LHX4: variants seen among roughly 807,000 people sequenced by gnomAD.
The protein encoded by LHX4 is LIM/homeobox protein Lhx4.
LHX4 carries 16 observed loss-of-function variants against 39.2 expected under a neutral mutation model. The observed-to-expected ratio is 0.41, with a 90% CI of 0.28 to 0.62. The LOEUF (loss-of-function observed/expected upper bound fraction) is 0.62, where lower values mean the gene tolerates loss of function less well. Among genes scored for constraint, LHX4 ranks in the 20% least tolerant of loss-of-function variants. LHX4 has a pLI of 0.33. For synonymous variants in LHX4, 206 were observed against 198.1 expected (o/e 1.04, Z -0.33); for missense variants, 439 against 511.9 (o/e 0.86, Z 1.37).
upstream of LHX4, among the ~76,000 whole-genome samples, chr1:180,229,959 C>CGGAGGCGGGGGGGGG (rs1238306398): frequency 1.3e-4 from 3 of 22,724 alleles, no homozygotes; most frequent in Admixed American, 3.4e-4. Flanking sequence ...GAGGCGGAGG[C>CGGAGGCGGGGGGGGG]GGGGAGGGGG....
chr1:180,256,971 G>C (rs1460142711), intron 2 of LHX4, among the ~76,000 whole-genome samples: 1 of 152,262 alleles, frequency 6.6e-6, no homozygotes, highest in Non-Finnish European at 1.5e-5. Flanking sequence ...TGGTTTGAAT[G>C]AGATGCCTCG....
chr1:180,263,591 C>T lies in LHX4; in HGVS notation c.249-2801C>T, dbSNP rs542391769. Among the ~76,000 whole-genome samples the T allele has an allele frequency of 2.6e-5, 4 of 152,350 alleles. No individual in the cohort carries two copies. In the South Asian group the frequency reaches 8.3e-4, roughly 32 times the overall value. The stretch of plus-strand genomic sequence containing the variant: ...TTCCACTTCCCTTCAGTATAAATCC[C>T]ACAATCAGGAAAATTGCTTCAATTG... On this transcript the variant is annotated intron_variant, in intron 2 of 5. Transcript: ENST00000263726.
chr1:180,271,221 G>A, intron 3 of LHX4, 159 bp from the exon 4 acceptor site: 1 of 780,814 alleles, frequency 1.3e-6, no homozygotes, highest in Non-Finnish European at 2.3e-6. Flanking sequence ...TCAGTGCCAT[G>A]AGAGTGGGGA....
chr1:180,248,574 C>A (rs1571265039), intron 2 of LHX4, 118 bp downstream of exon 2: 2 of 1,084,848 alleles, frequency 1.8e-6, no homozygotes, highest in East Asian at 2.5e-5. Context: ...CTGGGAGGGG[C>A]AGGTAAATCC....
At position 180,266,743 on chromosome 1, in the gene LHX4, C is replaced by T. The variant is rs138201867; in HGVS notation, c.451+149C>T. The T allele has an allele frequency of 3.9e-5, 30 of 773,508 alleles. No individual in the cohort carries two copies. The East Asian group carries it at 5.4e-4, about 14-fold the overall frequency. The allele number at this position is 773,508 out of a possible 1,614,324, so 47.9% of individuals were successfully genotyped here. ...CACCTCTGAGAAGCGTCCCAGATCT[C>T]CACACTGAGAGTAAATGCTGAACAC... On this transcript the variant is annotated intron_variant, in intron 3 of 5. Coordinates refer to ENST00000263726, the MANE Select transcript of LHX4 (RefSeq NM_033343.4). This position sits in a 1 kb window ranked among gnomAD's most constrained non-coding sequence, Gnocchi z 5.7.
chr1:180,274,499 A>G lies in LHX4; in HGVS notation c.1093A>G (p.Thr365Ala). The change falls in exon 6 of 6, where the codon ACA (threonine) becomes GCA (alanine). Residue 365 changes from threonine to alanine, a missense_variant. By Grantham distance (58) the Thr-to-Ala change is moderately conservative. Transcript: ENST00000263726. ...MAGGPTSDIS[T>A]GSSVGYPDFP... is the part of the protein sequence containing the mutation. ...TGGGGGACCCACCTCTGACATCTCC[A>G]CAGGAAGCAGTGTAGGCTATCCCGA... The G allele has an allele frequency of 6.2e-7, 1 of 1,613,562 alleles. No homozygotes were observed.
chr1:180,256,574 A>T (rs892791163), intron 2 of LHX4, among the ~76,000 whole-genome samples: 12 of 151,938 alleles, frequency 7.9e-5, no homozygotes, highest in Non-Finnish European at 1.6e-4. Flanking sequence ...GGACTTTGGG[A>T]CTCTGACAAT....
At position 180,277,739 on chromosome 1, in the gene LHX4, A is replaced by AGTT. The variant is rs1649120223; in HGVS notation, c.*3161_*3163dup. 1.3e-5 allele frequency: 2 copies of AGTT among 152,318 alleles called. No homozygotes were observed. The highest frequency in any genetic ancestry group is 6.5e-5 in the Admixed American group (1 of 15,302). The allele number at this position is 152,318 out of a possible 1,614,324, so 9.4% of individuals were successfully genotyped here. ...CTTTCTCTTTCTTGTCTCATCTGACAGTTATGAATATAACGTAAAATAAAG... is the reference window on the plus strand; with the variant it reads ...CTTTCTCTTTCTTGTCTCATCTGACAGTTGTTATGAATATAACGTAAAATAAAG... On this transcript the variant is annotated 3_prime_UTR_variant, in exon 6 of 6. Coordinates refer to ENST00000263726, the MANE Select transcript of LHX4 (RefSeq NM_033343.4).
intron 2 of LHX4, among the ~76,000 whole-genome samples, chr1:180,255,606 G>C (rs1647821571): frequency 6.6e-6 from 1 of 152,234 alleles, no homozygotes; most frequent in Non-Finnish European, 1.5e-5. Flanking sequence ...AAACACACTG[G>C]TGGGACCAGG....
rs1434387536 is a variant in LHX4, at chr1:180,230,954, ATCT to A, written c.76+354_76+356del. 2.6e-5 allele frequency among the ~76,000 whole-genome samples: 4 copies of A among 152,162 alleles called. No individual in the cohort carries two copies. The highest frequency in any genetic ancestry group is 2.9e-5 in the Non-Finnish European group (2 of 67,966). On this transcript the variant is annotated intron_variant, in intron 1 of 5. Coordinates refer to ENST00000263726, the MANE Select transcript of LHX4 (RefSeq NM_033343.4). This position sits in a 1 kb window ranked among gnomAD's most constrained non-coding sequence, Gnocchi z 5.8. ...CTGAGGGCGAGGGTGGTCCCCACAA[ATCT>A]TCTTTCGCCGGCGTGACGGTCAGCG...
chr1:180,242,952 G>C (rs1664474331), intron 1 of LHX4, among the ~76,000 whole-genome samples: 1 of 152,048 alleles, frequency 6.6e-6, no homozygotes, highest in Non-Finnish European at 1.5e-5. Context: ...AGCTTATTGG[G>C]GATTTGGAAA....
At chr1:180,271,179 T>G (rs1648631912) in intron 3 of LHX4, 1 of 648,432 alleles carries the variant, frequency 1.5e-6, no homozygotes, top group Non-Finnish European at 2.8e-6. Flanking sequence ...TCCTCACTTT[T>G]CAGTGGCTTG....
chr1:180,253,219 A>G (rs1239958541), intron 2 of LHX4, among the ~76,000 whole-genome samples: 1 of 152,236 alleles, frequency 6.6e-6, no homozygotes, highest in Non-Finnish European at 1.5e-5. Flanking sequence ...CCATGTGTCC[A>G]GCATGTCATG....
rs1664252445 is a variant in LHX4, at chr1:180,234,185, A to G, written c.76+3580A>G. Among the ~76,000 whole-genome samples, 1 of 41,714 alleles carries G rather than the reference A, an allele frequency of 2.4e-5. No individual in the cohort carries two copies. Among genetic ancestry groups the G allele is most frequent in the Non-Finnish European group, 4.9e-5 (1 of 20,436 alleles). The allele number at this position is 41,714 out of a possible 152,430, so 27.4% of individuals were successfully genotyped here. A position where few individuals can be genotyped will look rare whatever the true frequency, so the allele number is the denominator to read the frequency against. ...ACACACAAATTATATATATATATAT[A>G]TATATATATATATATATATATATAT... On this transcript the variant is annotated intron_variant, in intron 1 of 5. Transcript: ENST00000263726. This position sits in a 1 kb window ranked among gnomAD's most constrained non-coding sequence, Gnocchi z 4.8.
chr1:180,241,090 C>A (rs927804091), intron 1 of LHX4, among the ~76,000 whole-genome samples: 3 of 152,226 alleles, frequency 2.0e-5, no homozygotes, highest in African/African-American at 4.8e-5. Context: ...CACCTGGATA[C>A]ATTACAGCAA....
intron 1 of LHX4, 94 bp from the exon 2 acceptor site, chr1:180,248,191 C>T: frequency 8.4e-7 from 1 of 1,192,836 alleles, no homozygotes. Flanking sequence ...CTGTTTCCAC[C>T]ATCAGCAGAG....
chr1:180,230,469 G>C lies in LHX4; in HGVS notation c.-61G>C. ...ATTATTATTTTGAAATTTCTGAATC[G>C]AGCTAGAGCGAGAGAGCGAGAGATC... On this transcript the variant is annotated 5_prime_UTR_variant, in exon 1 of 6. Coordinates refer to ENST00000263726, the MANE Select transcript of LHX4 (RefSeq NM_033343.4). This position sits in a 1 kb window ranked among gnomAD's most constrained non-coding sequence, Gnocchi z 5.8. The C allele has an allele frequency of 2.9e-6, 4 of 1,391,048 alleles. No individual in the cohort carries two copies. The highest frequency in any genetic ancestry group is 4.1e-6 in the Non-Finnish European group (4 of 981,890). 86.2% of individuals were successfully genotyped at this position (1,391,048 alleles called of 1,614,324 possible).
In LHX4 at chr1:180,274,172, C is replaced by T. The variant is rs1648876352; in HGVS notation, c.779-13C>T. The T allele has an allele frequency of 1.2e-6, 2 of 1,614,066 alleles. No individual in the cohort carries two copies. The highest frequency in any genetic ancestry group is 1.7e-6 in the Non-Finnish European group (2 of 1,180,024). The stretch of plus-strand genomic sequence containing the variant: ...TGGCAGCTGACAATAAATCTCCGTT[C>T]TTTTGTCCACAGAGGATCAAATTCT... On this transcript the variant is annotated splice_polypyrimidine_tract_variant and intron_variant, in intron 5 of 5. Coordinates refer to ENST00000263726, the MANE Select transcript of LHX4 (RefSeq NM_033343.4).
chr1:180,246,087 T>G (rs191062746), intron 1 of LHX4, among the ~76,000 whole-genome samples: 1 of 152,208 alleles, frequency 6.6e-6, no homozygotes, highest in East Asian at 1.9e-4. Context: ...TATTTTGGTC[T>G]GAGAAAGGGG....
Sources: allele counts gnomAD v4.1 joint callset (sites outside exome capture counted in the v4.1 genomes callset), GRCh38; gene constraint gnomAD v4.1.1; non-coding constraint Gnocchi (gnomAD v3.1); transcripts MANE v1.5; gene names NCBI Gene and HGNC (gene_info 2026-07-23, HGNC 2026-07-21).